The following KCNAB2 variants were observed in gnomAD, a reference collection of about 807,000 sequenced individuals.
KCNAB2 encodes voltage-gated potassium channel subunit beta-2.
KCNAB2 carries 29 observed loss-of-function variants against 63.6 expected under a neutral mutation model. That is an observed-to-expected ratio of 0.46 (90% CI 0.34 to 0.62). KCNAB2 has a LOEUF of 0.62. Among genes scored for constraint, KCNAB2 ranks in the 20% least tolerant of loss-of-function variants. KCNAB2 has a pLI of 0.01. For synonymous variants in KCNAB2, 222 were observed against 224.2 expected (o/e 0.99, Z 0.09); for missense variants, 359 against 563.9 (o/e 0.64, Z 3.68).
intron 2 of KCNAB2, among the ~76,000 whole-genome samples, chr1:6,062,982 CCCCCTGCAACCA>C (rs1028582317): frequency 5.9e-5 from 9 of 152,050 alleles, no homozygotes; most frequent in African/African-American, 2.2e-4. Context: ...CCCATTCCCA[CCCCCTGCAACCA>C]CCAAGCTTTC....
chr1:6,087,584 G>A lies in KCNAB2; in HGVS notation c.470+73G>A. ...GGCCCCGTGCTCCCCAGAGACCCCT[G>A]ACCTAGAAGGCTCCTGGGGTGGCGG... On this transcript the variant is annotated intron_variant, in intron 7 of 15. Transcript: ENST00000378083. The surrounding 1 kb of genome is among the most constrained non-coding windows in gnomAD (Gnocchi z 6.4). The A allele has an allele frequency of 2.0e-6, 3 of 1,508,752 alleles. No individual in the cohort carries two copies. The highest frequency in any genetic ancestry group is 2.8e-6 in the Non-Finnish European group (3 of 1,085,358). 93.5% of individuals were successfully genotyped at this position (1,508,752 alleles called of 1,614,324 possible).
chr1:6,057,942 G>A (rs1315785853), intron 2 of KCNAB2, among the ~76,000 whole-genome samples: 1 of 152,172 alleles, frequency 6.6e-6, no homozygotes, highest in Non-Finnish European at 1.5e-5. Flanking sequence ...CTTGAGTCCA[G>A]GGGTTCAAGA....
upstream of KCNAB2, among the ~76,000 whole-genome samples, chr1:6,032,355 C>A (rs538262985): frequency 6.6e-6 from 1 of 152,054 alleles, no homozygotes; most frequent in Admixed American, 6.5e-5. Context: ...CCAAGGCAGG[C>A]AGATCACAAG....
At chr1:6,046,558 C>G (rs1383173296) in intron 1 of KCNAB2, among the ~76,000 whole-genome samples, 1 of 152,204 alleles carries the variant, frequency 6.6e-6, no homozygotes, top group African/African-American at 2.4e-5. Flanking sequence ...TTGCCCAGAG[C>G]GCTGTCAGGG....
chr1:6,096,143 C>T lies in KCNAB2; in HGVS notation c.949-493C>T, dbSNP rs1387405818. 2.2e-6 allele frequency: 1 copy of T among 457,634 alleles called. No individual in the cohort carries two copies. Among genetic ancestry groups the T allele is most frequent in the South Asian group, 1.5e-5 (1 of 64,556 alleles). 28.3% of individuals were successfully genotyped at this position (457,634 alleles called of 1,614,324 possible). ...CAGCCAGCAGTCTCAGCACTGGGGC[C>T]CACAGCCCTGGGTTCCAGGGCAACG... is the stretch of plus-strand genomic sequence containing the variant. On this transcript the variant is annotated intron_variant, in intron 13 of 15. Transcript: ENST00000378083. The surrounding 1 kb of genome is among the most constrained non-coding windows in gnomAD (Gnocchi z 5.9).
chr1:6,085,830 G>T, intron 6 of KCNAB2: 2 of 987,894 alleles, frequency 2.0e-6, no homozygotes, highest in Non-Finnish European at 2.4e-6. Context: ...CTATCCTGAG[G>T]GTCAGTGGCC....
chr1:6,062,817 T>C (rs1452412042), intron 2 of KCNAB2, among the ~76,000 whole-genome samples: 2 of 152,202 alleles, frequency 1.3e-5, no homozygotes, highest in African/African-American at 2.4e-5. Context: ...TATTGAAATA[T>C]AATTCACGTG....
intron 8 of KCNAB2, among the ~76,000 whole-genome samples, chr1:6,089,466 C>T (rs796279331): frequency 3.9e-5 from 6 of 152,344 alleles, no homozygotes; most frequent in African/African-American, 1.2e-4. Context: ...TCGCAGGCAC[C>T]GGAGCAAGGC....
intron 1 of KCNAB2, among the ~76,000 whole-genome samples, chr1:6,039,647 T>C (rs1230466823): frequency 6.6e-6 from 1 of 152,204 alleles, no homozygotes; most frequent in African/African-American, 2.4e-5. Flanking sequence ...TTGGGACCCC[T>C]GAGCTGCAGT....
chr1:6,017,559 C>T (rs112541257), intron 1 of KCNAB2, among the ~76,000 whole-genome samples: 1,683 of 152,002 alleles, frequency 0.011, 37 homozygotes, highest in African/African-American at 0.038. Context: ...TTTGGGAGGC[C>T]GAGGCAGGCA....
chr1:6,099,116 A>C lies in KCNAB2; in HGVS notation c.*542A>C, dbSNP rs1557523147. The C allele has an allele frequency of 6.5e-6, 1 of 152,852 alleles. No individual in the cohort carries two copies. Among genetic ancestry groups the C allele is most frequent in the Non-Finnish European group, 1.5e-5 (1 of 68,600 alleles). The allele number at this position is 152,852 out of a possible 1,614,324, so 9.5% of individuals were successfully genotyped here. On this transcript the variant is annotated 3_prime_UTR_variant, in exon 16 of 16. Transcript: ENST00000378083. Reference sequence around the variant, plus strand: ...GGTCTTCCTCCACCTCCCACTTTCCAAGGGCTCCAGGAATCTGGGGCCTGA... The same window carrying C: ...GGTCTTCCTCCACCTCCCACTTTCCCAGGGCTCCAGGAATCTGGGGCCTGA...
rs1659970045 is a variant in KCNAB2 at position 6,035,571 on chromosome 1, G to A, written c.-53+777G>A. Among the ~76,000 whole-genome samples, 3 of 152,078 alleles carry A rather than the reference G, an allele frequency of 2.0e-5. No individual in the cohort carries two copies. The highest frequency in any genetic ancestry group is 7.2e-5 in the African/African-American group (3 of 41,412). ...GGAGGAGTCGGGGTGACTCCCGGGA[G>A]TGGGACTGACACCTGGGAGGGTGGG... On this transcript the variant is annotated intron_variant, in intron 1 of 15. Coordinates refer to the KCNAB2 transcript ENST00000164247. The surrounding 1 kb of genome is among the most constrained non-coding windows in gnomAD (Gnocchi z 5.0).
chr1:6,084,618 C>A (rs539371094), intron 5 of KCNAB2, among the ~76,000 whole-genome samples: 1 of 152,158 alleles, frequency 6.6e-6, no homozygotes, highest in African/African-American at 2.4e-5. Context: ...GAGTTCGAGA[C>A]CAGCCTGGCC....
intron 1 of KCNAB2, among the ~76,000 whole-genome samples, chr1:5,998,292 G>GC (rs1214736643): frequency 6.6e-6 from 1 of 152,246 alleles, no homozygotes; most frequent in Non-Finnish European, 1.5e-5. Context: ...GAGCCCTGGA[G>GC]CCCCCCAAGC....
intron 1 of KCNAB2, among the ~76,000 whole-genome samples, chr1:6,001,294 C>G (rs994717204): frequency 2.6e-5 from 2 of 76,862 alleles, no homozygotes; most frequent in Non-Finnish European, 5.3e-5. Flanking sequence ...TGCATGTGAT[C>G]ACCACACACA....
intron 3 of KCNAB2, among the ~76,000 whole-genome samples, 187 bp downstream of exon 3, chr1:6,072,985 G>A (rs1433282338): frequency 6.6e-6 from 1 of 151,944 alleles, no homozygotes; most frequent in Non-Finnish European, 1.5e-5. Flanking sequence ...GCAGGTGGGA[G>A]GGGGGCTGGG....
chr1:6,051,995 A>G (rs573499842), intron 2 of KCNAB2, among the ~76,000 whole-genome samples: 2 of 152,210 alleles, frequency 1.3e-5, no homozygotes, highest in South Asian at 4.1e-4. Context: ...CCAACTACTC[A>G]GGAGGCTGAG....
intron 2 of KCNAB2, among the ~76,000 whole-genome samples, chr1:6,053,443 C>G (rs920029862): frequency 6.6e-6 from 1 of 152,004 alleles, no homozygotes; most frequent in Non-Finnish European, 1.5e-5. Flanking sequence ...GACCACTGGC[C>G]GAGGCAGCAA....
At chr1:6,054,904 A>G (rs1241913007) in intron 2 of KCNAB2, among the ~76,000 whole-genome samples, 2 of 152,160 alleles carry the variant, frequency 1.3e-5, no homozygotes, top group Non-Finnish European at 2.9e-5. Flanking sequence ...CGCCATGCAA[A>G]GAGAGTAGCC....
Sources: allele counts gnomAD v4.1 joint callset (sites outside exome capture counted in the v4.1 genomes callset), GRCh38; gene constraint gnomAD v4.1.1; non-coding constraint Gnocchi (gnomAD v3.1); transcripts MANE v1.5; gene names NCBI Gene and HGNC (gene_info 2026-07-23, HGNC 2026-07-21).